Variants in PTPN2 observed in about 807,000 individuals in gnomAD.
The protein encoded by PTPN2 is tyrosine-protein phosphatase non-receptor type 2.
Under a neutral mutation model 57.3 loss-of-function variants are expected in PTPN2, and 19 were observed. The observed-to-expected ratio is 0.33, with a 90% CI of 0.23 to 0.49. The LOEUF (loss-of-function observed/expected upper bound fraction) is 0.49, where lower values mean the gene tolerates loss of function less well. Ranked by LOEUF, PTPN2 falls within the 20% of genes least tolerant of loss-of-function variation. PTPN2 has a pLI of 0.99. For missense variants in PTPN2, 358 were observed against 501.1 expected (o/e 0.71, Z 2.73); for synonymous variants, 153 against 164.9 (o/e 0.93, Z 0.55).
intron 7 of PTPN2, among the ~76,000 whole-genome samples, chr18:12,810,779 C>T (rs1368144454): frequency 2.6e-5 from 4 of 152,060 alleles, no homozygotes; most frequent in Non-Finnish European, 4.4e-5. Context: ...AATAGACCTC[C>T]GGGAAAGAGG....
downstream of PTPN2, chr18:12,787,501 T>C (rs957072762): frequency 1.3e-5 from 2 of 152,252 alleles, no homozygotes; most frequent in African/African-American, 2.4e-5. Context: ...GTGTTCACCA[T>C]ACCTCATGTC....
downstream of PTPN2, chr18:12,787,174 G>C (rs1367070328): frequency 6.6e-6 from 1 of 152,154 alleles, no homozygotes; most frequent in South Asian, 2.1e-4. Context: ...TTAAAAACTA[G>C]AGAATTACTT....
At chr18:12,789,997 A>G (rs1381296681), downstream of PTPN2, among the ~76,000 whole-genome samples, 1 of 152,080 alleles carries the variant, frequency 6.6e-6, no homozygotes, top group Non-Finnish European at 1.5e-5. Context: ...CAATGGCTCC[A>G]TCATAGTTCA....
In PTPN2 at chr18:12,847,910, T is replaced by C. The variant is rs112703165; in HGVS notation, c.161-11019A>G. ...CACTGCACTAGGCCAAAACTGAATA[T>C]TTAAAAAAAAAAAAAAAAAATTGAA... On this transcript the variant is annotated intron_variant, in intron 2 of 8. Coordinates refer to ENST00000309660, the MANE Select transcript of PTPN2 (RefSeq NM_002828.4). 3.6e-5 allele frequency among the ~76,000 whole-genome samples: 5 copies of C among 139,498 alleles called. No homozygotes were observed. The East Asian group carries it at 8.8e-4, about 25-fold the overall frequency. 91.5% of individuals were successfully genotyped at this position (139,498 alleles called of 152,430 possible).
intron 1 of PTPN2, among the ~76,000 whole-genome samples, chr18:12,863,007 T>G (rs1474108620): frequency 1.3e-5 from 2 of 151,852 alleles, no homozygotes; most frequent in Non-Finnish European, 2.9e-5. Flanking sequence ...AAATAAACAA[T>G]TTTATAAGCA....
chr18:12,851,038 C>A (rs2043377949), intron 2 of PTPN2, among the ~76,000 whole-genome samples: 1 of 152,080 alleles, frequency 6.6e-6, no homozygotes, highest in Non-Finnish European at 1.5e-5. Flanking sequence ...CAGCGCCCAG[C>A]CAGGCATTCT....
chr18:12,803,158 T>G (rs1186583471), intron 7 of PTPN2, among the ~76,000 whole-genome samples: 2 of 152,122 alleles, frequency 1.3e-5, no homozygotes, highest in Non-Finnish European at 1.5e-5. Context: ...AAGGTTAAGT[T>G]ATTATCAGCT....
At chr18:12,812,028 G>A (rs1388876774) in intron 7 of PTPN2, among the ~76,000 whole-genome samples, 1 of 152,104 alleles carries the variant, frequency 6.6e-6, no homozygotes, top group Non-Finnish European at 1.5e-5. Context: ...TACTTTATTA[G>A]TAATATCAAA....
At position 12,805,331 on chromosome 18, in the gene PTPN2, C is replaced by T. The variant is rs1052457618; in HGVS notation, c.859-3180G>A. Among the ~76,000 whole-genome samples the T allele has an allele frequency of 1.1e-4, 16 of 151,848 alleles. 1 individual carries two copies. The highest frequency in any genetic ancestry group is 3.6e-4 in the African/African-American group (15 of 41,324). Reference sequence around the variant, plus strand: ...AAATAGCTGGGTGTGGTGGTGCATGCCTGTAATCCCAGCCACTCAGGTGGC... The same window carrying T: ...AAATAGCTGGGTGTGGTGGTGCATGTCTGTAATCCCAGCCACTCAGGTGGC... On this transcript the variant is annotated intron_variant, in intron 7 of 8. Transcript: ENST00000309660.
rs528577696 is a variant in PTPN2 at position 12,882,984 on chromosome 18, A to G, written c.69+1089T>C. Among the ~76,000 whole-genome samples, 10 of 152,336 alleles carry G rather than the reference A, an allele frequency of 6.6e-5. No homozygotes were observed. The East Asian group carries it at 1.9e-3, about 29-fold the overall frequency. ...AAGCAGTTACATCATTTTAAAAGAG[A>G]TAAAGTTTTGTTTGAATTAAAAGGT... On this transcript the variant is annotated intron_variant, in intron 1 of 8. Transcript: ENST00000309660.
intron 2 of PTPN2, among the ~76,000 whole-genome samples, chr18:12,847,298 G>A (rs1032918424): frequency 2.6e-5 from 4 of 152,214 alleles, no homozygotes; most frequent in African/African-American, 9.6e-5. Context: ...GGGTTCGTTT[G>A]TAGGTTTAAA....
At chr18:12,802,389 A>C (rs1003559272) in intron 7 of PTPN2, among the ~76,000 whole-genome samples, 1 of 152,192 alleles carries the variant, frequency 6.6e-6, no homozygotes, top group African/African-American at 2.4e-5. Context: ...TATATAGTTG[A>C]ATATAATAAT....
At chr18:12,829,424 G>C (rs891360645) in intron 4 of PTPN2, among the ~76,000 whole-genome samples, 2 of 148,278 alleles carry the variant, frequency 1.3e-5, no homozygotes, top group African/African-American at 5.0e-5. Flanking sequence ...AGAATCTCTT[G>C]AACCCGGGAA....
chr18:12,804,258 C>A (rs796549474), intron 7 of PTPN2, among the ~76,000 whole-genome samples: 33 of 131,484 alleles, frequency 2.5e-4, no homozygotes, highest in African/African-American at 9.5e-4. Context: ...TGCCACTGCA[C>A]TCCAGTCTAG....
intron 7 of PTPN2, among the ~76,000 whole-genome samples, chr18:12,813,202 G>A (rs8088256): frequency 0.14 from 21,602 of 152,132 alleles, 1,679 homozygotes; most frequent in African/African-American, 0.18. Flanking sequence ...GTTGGTGAAA[G>A]CTCACTGTGA....
chr18:12,861,196 T>C (rs1350082828), intron 1 of PTPN2, among the ~76,000 whole-genome samples: 1 of 152,206 alleles, frequency 6.6e-6, no homozygotes, highest in Non-Finnish European at 1.5e-5. Flanking sequence ...ATATGAAACT[T>C]CTCCATTTTT....
intron 1 of PTPN2, chr18:12,883,694 G>A (rs1000163459): frequency 5.6e-6 from 1 of 177,390 alleles, no homozygotes; most frequent in Non-Finnish European, 1.2e-5. Context: ...GAGCTACGGC[G>A]AAGCTGCGGC....
intron 8 of PTPN2, among the ~76,000 whole-genome samples, chr18:12,799,641 G>C (rs1460156259): frequency 6.6e-6 from 1 of 151,146 alleles, no homozygotes; most frequent in Non-Finnish European, 1.5e-5. Context: ...CTGGAGTGCA[G>C]TGTTATGATC....
At chr18:12,803,350 G>C (rs1388624011) in intron 7 of PTPN2, among the ~76,000 whole-genome samples, 1 of 152,000 alleles carries the variant, frequency 6.6e-6, no homozygotes, top group Non-Finnish European at 1.5e-5. Context: ...AAAGCAAACA[G>C]AAAACAATTA....
Sources: allele counts gnomAD v4.1 joint callset (sites outside exome capture counted in the v4.1 genomes callset), GRCh38; gene constraint gnomAD v4.1.1; transcripts MANE v1.5; gene names NCBI Gene and HGNC (gene_info 2026-07-23, HGNC 2026-07-21).